The following RIBC2 variants were observed in gnomAD, a reference collection of about 807,000 sequenced individuals.
RIBC2 encodes the protein RIB43A domain with coiled-coils 2, also known as RIB43A-like with coiled-coils protein 2.
RIBC2 carries 40 observed loss-of-function variants against 44.3 expected under a neutral mutation model. That is an observed-to-expected ratio of 0.90 (90% confidence interval 0.70 to 1.18). RIBC2 has a LOEUF of 1.18. RIBC2 is among the 50% of genes most tolerant of loss of function. RIBC2 has a pLI of 0.00. For synonymous variants in RIBC2, 171 were observed against 175.0 expected, an observed-to-expected ratio of 0.98 and a Z score of 0.18; for missense variants, 459 against 485.5, an observed-to-expected ratio of 0.95 and a Z score of 0.51.
At position 45,430,225 on chromosome 22, in the gene RIBC2, C is replaced by A. The variant is rs772819888; in HGVS notation, c.904-675C>A. Among the ~76,000 whole-genome samples the A allele has an allele frequency of 3.3e-5, 5 of 152,294 alleles. No homozygotes were observed. The South Asian group carries it at 1.0e-3, about 32-fold the overall frequency. ...GCTTATTTGGCGGGAGGAGGCTCTG[C>A]CCTAAAAATGGCAAACGTGGGCAAA... is the stretch of plus-strand genomic sequence containing the variant. On this transcript the variant is annotated intron_variant, in intron 5 of 6. Transcript: ENST00000614167.
intron 5 of RIBC2, among the ~76,000 whole-genome samples, chr22:45,427,293 T>C (rs1269207909): frequency 6.6e-6 from 1 of 152,210 alleles, no homozygotes; most frequent in Non-Finnish European, 1.5e-5. Flanking sequence ...CACTTCTTAG[T>C]GCAAGATGGC....
chr22:45,423,811 A>C (rs2087508449), intron 4 of RIBC2, among the ~76,000 whole-genome samples: 1 of 152,170 alleles, frequency 6.6e-6, no homozygotes, highest in Non-Finnish European at 1.5e-5. Context: ...CATTTTACAG[A>C]GGGCGACCAA....
chr22:45,424,754 T>A, intron 4 of RIBC2, among the ~76,000 whole-genome samples: 1 of 43,736 alleles, frequency 2.3e-5, no homozygotes. Context: ...TTCTTTTTTC[T>A]TTTTTTTTTT....
At chr22:45,418,035 G>GTT (rs370540282) in intron 3 of RIBC2, 89 bp downstream of exon 3, 6,739 of 436,448 alleles carry the variant, frequency 0.015, 9 homozygotes, top group Middle Eastern at 0.025. Flanking sequence ...CAACCCTACA[G>GTT]TTTTTTTTTT....
chr22:45,419,064 A>G (rs1340072442), intron 3 of RIBC2, among the ~76,000 whole-genome samples: 1 of 152,138 alleles, frequency 6.6e-6, no homozygotes. Flanking sequence ...CATCTGCTCA[A>G]CCTCTGGATG....
chr22:45,431,768 G>A (rs2087582758), intron 6 of RIBC2, among the ~76,000 whole-genome samples: 1 of 152,154 alleles, frequency 6.6e-6, no homozygotes, highest in Non-Finnish European at 1.5e-5. Flanking sequence ...AGGAGTTTGA[G>A]ACCAGACTGG....
rs1874634229 is a variant in RIBC2, at chr22:45,422,339, C to T, written c.606C>T (p.His202=). Residue 202 remains histidine, a synonymous_variant, in exon 4 of 7, where the codon CAC becomes CAT. Transcript: ENST00000614167. The stretch of plus-strand genomic sequence containing the variant: ...TGCAGTTTGACGAGACAGCCAAGCA[C>T]CTCCAGAAGCTGGAAAGCACCACCA... ...TRLQFDETAK[H]LQKLESTTRK... 1 of 1,614,076 alleles carries T rather than the reference C, an allele frequency of 6.2e-7. No individual in the cohort carries two copies. The highest frequency in any genetic ancestry group is 8.5e-7 in the Non-Finnish European group (1 of 1,180,036).
intron 1 of RIBC2, 26 bp downstream of exon 1, chr22:45,414,041 GT>G: frequency 6.5e-7 from 1 of 1,550,332 alleles, no homozygotes; most frequent in Non-Finnish European, 8.7e-7. Context: ...CCGGGACGGG[GT>G]TAGAGCGGCA....
At position 45,417,767 on chromosome 22, in the gene RIBC2, A is replaced by T. The variant is rs770139886; in HGVS notation, c.377A>T (p.Asp126Val). ...DLSDPLALKK[D>V]LPARQSDNDV... is the part of the protein sequence containing the mutation. ...TCCGACCCCCTAGCCCTTAAGAAAG[A>T]TCTTCCAGCCCGGCAGTCAGATAAT... Residue 126 changes from aspartate (D) to valine (V), a missense_variant, in exon 3 of 7, where the codon GAT becomes GTT. Physicochemically the swap from Asp to Val is radical, Grantham distance 152 (BLOSUM62 -3). Coordinates refer to ENST00000614167, the MANE Select transcript of RIBC2 (RefSeq NM_015653.5). 6.2e-7 allele frequency: 1 copy of T among 1,614,178 alleles called. No homozygotes were observed. Among genetic ancestry groups the T allele is most frequent in the South Asian group, 1.1e-5 (1 of 91,080 alleles).
chr22:45,414,624 G>GC (rs902742556), intron 2 of RIBC2, among the ~76,000 whole-genome samples: 1 of 151,984 alleles, frequency 6.6e-6, no homozygotes, highest in Non-Finnish European at 1.5e-5. Context: ...ACAGGCATGA[G>GC]CCACGGTACC....
chr22:45,431,961 A>G (rs2087584141), intron 6 of RIBC2, among the ~76,000 whole-genome samples: 1 of 152,194 alleles, frequency 6.6e-6, no homozygotes, highest in Non-Finnish European at 1.5e-5. Flanking sequence ...TGGCAGAGAG[A>G]GATGTTGTCT....
At chr22:45,420,076 T>C (rs192804943) in intron 3 of RIBC2, among the ~76,000 whole-genome samples, 25 of 152,288 alleles carry the variant, frequency 1.6e-4, no homozygotes, top group Non-Finnish European at 2.9e-4. Flanking sequence ...TCTCCCCTTA[T>C]CCTACAGAGT....
intron 2 of RIBC2, among the ~76,000 whole-genome samples, chr22:45,415,419 C>T (rs2087414462): frequency 6.6e-6 from 1 of 151,866 alleles, no homozygotes; most frequent in Admixed American, 6.6e-5. Flanking sequence ...CTCCTTTATA[C>T]TGTTCTGTAT....
chr22:45,416,027 TTATG>T (rs1216517716), intron 2 of RIBC2, among the ~76,000 whole-genome samples: 1 of 152,238 alleles, frequency 6.6e-6, no homozygotes, highest in Non-Finnish European at 1.5e-5. Context: ...CTTGTACTAT[TTATG>T]TATGTATTCA....
At chr22:45,418,805 T>C (rs1008262439) in intron 3 of RIBC2, among the ~76,000 whole-genome samples, 2 of 152,014 alleles carry the variant, frequency 1.3e-5, no homozygotes, top group Non-Finnish European at 2.9e-5. Flanking sequence ...ATGAGTGATG[T>C]CTCCCCAGAT....
chr22:45,425,932 G>A lies in RIBC2; in HGVS notation c.676-16G>A. 1 of 1,607,688 alleles carries A rather than the reference G, an allele frequency of 6.2e-7. No individual in the cohort carries two copies. The highest frequency in any genetic ancestry group is 8.5e-7 in the Non-Finnish European group (1 of 1,176,290). ...GGTCACTCGGACCATCTTCTTTAAT[G>A]TCTTCACCTGCTTAGGCCATCGAGT... On this transcript the variant is annotated splice_polypyrimidine_tract_variant and intron_variant, in intron 4 of 6. Transcript: ENST00000614167.
chr22:45,422,877 C>T (rs1004954719), intron 4 of RIBC2, among the ~76,000 whole-genome samples: 4 of 152,082 alleles, frequency 2.6e-5, no homozygotes, highest in African/African-American at 7.2e-5. Context: ...TGAGACCTCC[C>T]ACCTCCTCTC....
chr22:45,429,052 G>A (rs1170041248), intron 5 of RIBC2, among the ~76,000 whole-genome samples: 4 of 152,154 alleles, frequency 2.6e-5, no homozygotes, highest in Admixed American at 6.5e-5. Flanking sequence ...CACACTTTGC[G>A]GGGGGCATAA....
chr22:45,418,006 G>GT (rs67045505), intron 3 of RIBC2, 60 bp downstream of exon 3: 19,003 of 595,742 alleles, frequency 0.032, 2 homozygotes, highest in East Asian at 0.051. Context: ...CAACCCTACA[G>GT]TTTTTTTTTT....
Sources: gnomAD v4.1 joint callset for allele counts (sites outside exome capture counted in the v4.1 genomes callset) on GRCh38, gnomAD v4.1.1 for gene constraint, MANE v1.5 for transcripts, NCBI Gene and HGNC (gene_info 2026-07-23, HGNC 2026-07-21) for gene names.